NDST4: variants seen among roughly 807,000 people sequenced by gnomAD.
The protein encoded by NDST4 is N-heparan sulfate sulfotransferase 4.
A neutral mutation model predicts 100.8 loss-of-function variants in NDST4; 63 were observed. That is an observed-to-expected ratio of 0.62 (90% CI 0.51 to 0.77). NDST4 has a LOEUF of 0.77. NDST4 is among the 30% of genes least tolerant of loss of function. NDST4 has a pLI of 0.00. For missense variants in NDST4, 943 were observed against 1,018.4 expected, an observed-to-expected ratio of 0.93 and a Z score of 1.01; for synonymous variants, 377 against 361.8, an observed-to-expected ratio of 1.04 and a Z score of -0.48.
chr4:114,937,228 G>A (rs756031261), intron 5 of NDST4, 90 bp downstream of exon 5: 43 of 1,326,776 alleles, frequency 3.2e-5, no homozygotes, highest in Middle Eastern at 2.4e-4. Flanking sequence ...AAAGAGGTTC[G>A]AGGTTACATC....
chr4:115,042,854 A>G (rs1188968570), intron 2 of NDST4, among the ~76,000 whole-genome samples: 1 of 152,050 alleles, frequency 6.6e-6, no homozygotes, highest in African/African-American at 2.4e-5. Context: ...TGTCTTGGTA[A>G]TTTATTTAAT....
intron 1 of NDST4, among the ~76,000 whole-genome samples, chr4:115,081,996 A>ATTT (rs1729314765): frequency 2.0e-5 from 3 of 152,212 alleles, no homozygotes; most frequent in African/African-American, 7.2e-5. Context: ...TTTCGTTAAA[A>ATTT]ATTTGGAAGG....
intron 2 of NDST4, among the ~76,000 whole-genome samples, chr4:114,995,998 T>C (rs1727152956): frequency 6.6e-6 from 1 of 152,118 alleles, no homozygotes; most frequent in Non-Finnish European, 1.5e-5. Flanking sequence ...AACAAAAAAC[T>C]AGAATGATCA....
rs550856410 is a variant in NDST4 at position 115,094,860 on chromosome 4, C to T, written c.-246-17578G>A. ...CCTACCACTTTCAGAGGGAGCATGG[C>T]CCTGTTGTCACTTTGATCTAGAACT... is the stretch of plus-strand genomic sequence containing the variant. On this transcript the variant is annotated intron_variant, in intron 1 of 13. Coordinates refer to ENST00000264363, the MANE Select transcript of NDST4 (RefSeq NM_022569.3). Among the ~76,000 whole-genome samples the T allele has an allele frequency of 4.3e-5, 5 of 115,882 alleles. No individual in the cohort carries two copies. The Admixed American group carries it at 4.4e-4, about 10-fold the overall frequency. 76.0% of individuals were successfully genotyped at this position (115,882 alleles called of 152,430 possible).
intron 6 of NDST4, among the ~76,000 whole-genome samples, chr4:114,890,174 T>C (rs1402052001): frequency 1.3e-5 from 2 of 152,112 alleles, no homozygotes. Context: ...TTTTGAGTAG[T>C]TAACAATGGA....
chr4:115,022,768 T>C (rs926321549), intron 2 of NDST4, among the ~76,000 whole-genome samples: 3 of 152,066 alleles, frequency 2.0e-5, no homozygotes, highest in African/African-American at 7.2e-5. Flanking sequence ...GCTGGTCTCA[T>C]GATCGTGAAT....
intron 2 of NDST4, among the ~76,000 whole-genome samples, chr4:115,014,000 G>A (rs1366445565): frequency 4.6e-5 from 7 of 152,040 alleles, no homozygotes; most frequent in Non-Finnish European, 7.4e-5. Flanking sequence ...GAATGACAGT[G>A]GATTACCCTA....
intron 10 of NDST4, among the ~76,000 whole-genome samples, chr4:114,844,770 C>T (rs1341541852): frequency 6.6e-6 from 1 of 152,170 alleles, no homozygotes; most frequent in East Asian, 1.9e-4. Flanking sequence ...AAATCTATGT[C>T]AATGAACACT....
At chr4:114,949,070 T>C (rs1560826532) in intron 4 of NDST4, among the ~76,000 whole-genome samples, 1 of 152,040 alleles carries the variant, frequency 6.6e-6, no homozygotes, top group African/African-American at 2.4e-5. Flanking sequence ...TCACAGTCAT[T>C]TAATAATTAG....
chr4:114,967,312 A>C (rs1362827303), intron 4 of NDST4, among the ~76,000 whole-genome samples: 1 of 152,154 alleles, frequency 6.6e-6, no homozygotes, highest in Non-Finnish European at 1.5e-5. Flanking sequence ...TATTTGGACT[A>C]TGTAAAATAC....
At chr4:115,087,208 G>T (rs535674300) in intron 1 of NDST4, among the ~76,000 whole-genome samples, 1 of 150,720 alleles carries the variant, frequency 6.6e-6, no homozygotes, top group East Asian at 1.9e-4. Context: ...TATAGATTTG[G>T]AGGTAATATT....
chr4:114,963,865 C>T (rs1338109119), intron 4 of NDST4, among the ~76,000 whole-genome samples: 1 of 152,108 alleles, frequency 6.6e-6, no homozygotes, highest in Non-Finnish European at 1.5e-5. Flanking sequence ...ACAGGATCCT[C>T]TGTATTTCTT....
chr4:114,928,111 T>G (rs1725422254), intron 6 of NDST4, among the ~76,000 whole-genome samples: 1 of 152,226 alleles, frequency 6.6e-6, no homozygotes, highest in African/African-American at 2.4e-5. Context: ...ATCAATAATT[T>G]TAATCTTCAT....
intron 3 of NDST4, 64 bp from the exon 4 acceptor site, chr4:114,970,648 T>C: frequency 7.0e-7 from 1 of 1,418,456 alleles, no homozygotes; most frequent in Non-Finnish European, 9.6e-7. Context: ...AGGTTATTTT[T>C]GTCAGATTTA....
intron 6 of NDST4, among the ~76,000 whole-genome samples, chr4:114,897,084 A>T (rs1724731915): frequency 6.6e-6 from 1 of 152,140 alleles, no homozygotes; most frequent in Non-Finnish European, 1.5e-5. Context: ...ACACATCATT[A>T]TTACCCAGAG....
chr4:115,086,710 A>G (rs1729416568), intron 1 of NDST4, among the ~76,000 whole-genome samples: 1 of 152,104 alleles, frequency 6.6e-6, no homozygotes. Flanking sequence ...TCCTGCAGAA[A>G]TATGTATAGT....
intron 2 of NDST4, among the ~76,000 whole-genome samples, chr4:115,045,884 G>T (rs1728455195): frequency 6.6e-6 from 1 of 152,128 alleles, no homozygotes; most frequent in South Asian, 2.1e-4. Flanking sequence ...ACATTGGGGT[G>T]ACTACTAATT....
intron 6 of NDST4, among the ~76,000 whole-genome samples, chr4:114,899,531 G>GT (rs146671281): frequency 1.0e-3 from 152 of 147,052 alleles, no homozygotes; most frequent in African/African-American, 2.3e-3. Flanking sequence ...TTTACTGAAA[G>GT]TTTTTTTTTT....
intron 2 of NDST4, among the ~76,000 whole-genome samples, chr4:115,026,160 A>T (rs1326462302): frequency 1.3e-5 from 2 of 152,016 alleles, no homozygotes; most frequent in Non-Finnish European, 2.9e-5. Flanking sequence ...CCTTAAGTTA[A>T]TTTTCTATAG....
Sources: gnomAD v4.1 joint callset for allele counts (sites outside exome capture counted in the v4.1 genomes callset) on GRCh38, gnomAD v4.1.1 for gene constraint, MANE v1.5 for transcripts, NCBI Gene and HGNC (gene_info 2026-07-23, HGNC 2026-07-21) for gene names.